The following NAV3 variants were observed in gnomAD, a reference collection of about 807,000 sequenced individuals.
The protein encoded by NAV3 is pore membrane and/or filament interacting like protein 1.
NAV3 carries 87 observed loss-of-function variants against 244.7 expected under a neutral mutation model. That is an observed-to-expected ratio of 0.36 (90% CI 0.30 to 0.42). The LOEUF (loss-of-function observed/expected upper bound fraction) is 0.42, where lower values mean the gene tolerates loss of function less well. Ranked by LOEUF, NAV3 falls within the 20% of genes least tolerant of loss-of-function variation. The probability of loss-of-function intolerance (pLI) is 1.00; values close to 1 mark genes in which losing one functional copy is unlikely to be tolerated. For missense variants in NAV3, 2,663 were observed against 2,893.3 expected, an observed-to-expected ratio of 0.92 and a Z score of 1.83; for synonymous variants, 1,126 against 1,042.2, an observed-to-expected ratio of 1.08 and a Z score of -1.55.
In NAV3 at chr12:78,210,752, G is replaced by C. The variant is rs148142299; in HGVS notation, c.*235G>C. On this transcript the variant is annotated 3_prime_UTR_variant, in exon 40 of 40. Transcript: ENST00000397909. ...TTTTATATCTGTGGAGTAATAGAAAGCTCCATTACTCAACTGGAAAGGACC... is the reference window on the plus strand; with the variant it reads ...TTTTATATCTGTGGAGTAATAGAAACCTCCATTACTCAACTGGAAAGGACC... 2,095 of 477,448 alleles carry C rather than the reference G, an allele frequency of 4.4e-3. 15 individuals are homozygous for C. The highest frequency in any genetic ancestry group is 3.6e-3 in the Non-Finnish European group (980 of 269,344). The allele number at this position is 477,448 out of a possible 1,614,324, so 29.6% of individuals were successfully genotyped here.
intron 1 of NAV3, among the ~76,000 whole-genome samples, chr12:77,895,364 G>A (rs74106575): frequency 0.041 from 6,275 of 151,372 alleles, 346 homozygotes; most frequent in African/African-American, 0.13. Flanking sequence ...GAGGAAGGTG[G>A]AGAATAGCAG....
intron 2 of NAV3, among the ~76,000 whole-genome samples, chr12:77,647,113 C>T (rs748584532): frequency 1.3e-5 from 2 of 151,532 alleles, no homozygotes; most frequent in Non-Finnish European, 2.9e-5. Flanking sequence ...AGAGATTTGT[C>T]GATGTGTACA....
intron 1 of NAV3, among the ~76,000 whole-genome samples, chr12:77,867,196 G>T (rs957706843): frequency 1.6e-4 from 24 of 152,266 alleles, no homozygotes; most frequent in African/African-American, 5.3e-4. Flanking sequence ...TTCCACCATA[G>T]TGTTCTTGTG....
intron 2 of NAV3, among the ~76,000 whole-genome samples, chr12:77,790,260 A>G (rs1242569986): frequency 6.6e-6 from 1 of 152,212 alleles, no homozygotes; most frequent in Non-Finnish European, 1.5e-5. Context: ...GGTTTTCTTC[A>G]CAAAACTTCA....
chr12:77,867,427 TG>T (rs1169588873), intron 1 of NAV3, among the ~76,000 whole-genome samples: 2 of 152,092 alleles, frequency 1.3e-5, no homozygotes, highest in Non-Finnish European at 2.9e-5. Flanking sequence ...TTGTTGTTGT[TG>T]TTTGTTTTTG....
intron 2 of NAV3, among the ~76,000 whole-genome samples, chr12:77,677,589 T>G (rs1874261210): frequency 6.6e-6 from 1 of 152,204 alleles, no homozygotes; most frequent in East Asian, 1.9e-4. Context: ...ATTCAACTAC[T>G]CTAAACTTCA....
At chr12:78,010,522 G>A (rs1189783196) in intron 8 of NAV3, among the ~76,000 whole-genome samples, 1 of 152,086 alleles carries the variant, frequency 6.6e-6, no homozygotes, top group African/African-American at 2.4e-5. Context: ...TGAAGAAGCA[G>A]AGATATTAAG....
chr12:77,907,378 C>T (rs1886100246), intron 1 of NAV3, among the ~76,000 whole-genome samples: 1 of 152,106 alleles, frequency 6.6e-6, no homozygotes, highest in African/African-American at 2.4e-5. Context: ...GAAGTAGTTT[C>T]TAGTTGCCTC....
chr12:78,044,783 A>G (rs1477165116), intron 9 of NAV3, among the ~76,000 whole-genome samples: 1 of 152,190 alleles, frequency 6.6e-6, no homozygotes, highest in Non-Finnish European at 1.5e-5. Flanking sequence ...TTGATTTTGT[A>G]TCCTGAGACG....
Position 77,772,893 on chromosome 12 carries a change from C to T in NAV3, c.73-167426C>T, listed in dbSNP as rs532704946. Among the ~76,000 whole-genome samples the T allele has an allele frequency of 8.5e-4, 130 of 152,310 alleles. 2 individuals are homozygous for T. The highest frequency in any genetic ancestry group is 3.0e-3 in the African/African-American group (124 of 41,578). Reference sequence around the variant, plus strand: ...CTAGTCTTTCCTACCAGCTGTTCCTCTCTCCTTTCATTGTTGGCATTATGA... The same window carrying T: ...CTAGTCTTTCCTACCAGCTGTTCCTTTCTCCTTTCATTGTTGGCATTATGA... On this transcript the variant is annotated intron_variant, in intron 2 of 8. Transcript: ENST00000550042.
chr12:77,764,036 A>G (rs1459680958), intron 2 of NAV3, among the ~76,000 whole-genome samples: 1 of 152,206 alleles, frequency 6.6e-6, no homozygotes, highest in Non-Finnish European at 1.5e-5. Flanking sequence ...CAGATGTTCA[A>G]TTATGTGGAA....
intron 2 of NAV3, among the ~76,000 whole-genome samples, chr12:77,718,574 A>G (rs997416699): frequency 8.5e-5 from 13 of 152,134 alleles, no homozygotes; most frequent in Non-Finnish European, 1.5e-4. Flanking sequence ...TTGTGGTTCC[A>G]TAAACATTAT....
chr12:77,647,067 T>TACAC (rs3046395), intron 2 of NAV3, among the ~76,000 whole-genome samples: 6,602 of 149,734 alleles, frequency 0.044, 206 homozygotes, highest in Middle Eastern at 0.068. Context: ...CATATATATA[T>TACAC]ACACACACAC....
At chr12:77,970,164 G>A (rs1031309977) in intron 5 of NAV3, among the ~76,000 whole-genome samples, 9 of 152,074 alleles carry the variant, frequency 5.9e-5, no homozygotes, top group African/African-American at 1.9e-4. Flanking sequence ...TGAGGAGAGA[G>A]GATATGAAAA....
chr12:77,918,335 T>A (rs1365479848), intron 1 of NAV3, among the ~76,000 whole-genome samples: 1 of 152,024 alleles, frequency 6.6e-6, no homozygotes, highest in Non-Finnish European at 1.5e-5. Context: ...GTTAGACCCA[T>A]AAAGAAAAAC....
chr12:78,144,334 T>C (rs1458770540), intron 20 of NAV3, among the ~76,000 whole-genome samples: 1 of 152,114 alleles, frequency 6.6e-6, no homozygotes, highest in African/African-American at 2.4e-5. Context: ...TTTTATTCAG[T>C]CAAGTGTTTC....
intron 2 of NAV3, among the ~76,000 whole-genome samples, chr12:77,742,220 A>C (rs575244861): frequency 2.0e-5 from 3 of 151,684 alleles, no homozygotes; most frequent in Non-Finnish European, 4.4e-5. Context: ...TTCAAGTTTG[A>C]TGTATATGTT....
At chr12:77,984,749 A>T (rs1870177347) in intron 5 of NAV3, among the ~76,000 whole-genome samples, 1 of 152,190 alleles carries the variant, frequency 6.6e-6, no homozygotes, top group Non-Finnish European at 1.5e-5. Context: ...ATTTCTTCAC[A>T]TCTGCAAAAT....
At chr12:78,051,224 T>A (rs2137268556) in intron 11 of NAV3, 77 bp downstream of exon 11, 1 of 1,486,946 alleles carries the variant, frequency 6.7e-7, no homozygotes, top group Non-Finnish European at 9.1e-7. Context: ...TATAAACAAA[T>A]GTGTAAGTTT....
Sources: gnomAD v4.1 joint callset for allele counts (sites outside exome capture counted in the v4.1 genomes callset) on GRCh38, gnomAD v4.1.1 for gene constraint, MANE v1.5 for transcripts, NCBI Gene and HGNC (gene_info 2026-07-23, HGNC 2026-07-21) for gene names.